The following NXN variants were observed in gnomAD, a reference collection of about 807,000 sequenced individuals.
NXN encodes nucleoredoxin 1.
A neutral mutation model predicts 48.6 loss-of-function variants in NXN; 16 were observed. The ratio of observed to expected loss-of-function variants is 0.33; its 90% CI spans 0.22 to 0.50. The LOEUF is 0.50. Among genes scored for constraint, NXN ranks in the 20% least tolerant of loss-of-function variants. The pLI is 0.98. For missense variants in NXN, 492 were observed against 605.5 expected, an observed-to-expected ratio of 0.81 and a Z score of 1.97; for synonymous variants, 281 against 269.6, an observed-to-expected ratio of 1.04 and a Z score of -0.41.
Position 808,537 on chromosome 17 carries a change from C to T in NXN, c.821-3290G>A, listed in dbSNP as rs192744912. On this transcript the variant is annotated intron_variant, in intron 5 of 7. Coordinates refer to ENST00000336868, the MANE Select transcript of NXN (RefSeq NM_022463.5). Reference sequence around the variant, plus strand: ...CTCGAACTCCCGACCTCAGGTGATCCGCCCACCTCGGCCTCCCAAAGTGCT... The same window carrying T: ...CTCGAACTCCCGACCTCAGGTGATCTGCCCACCTCGGCCTCCCAAAGTGCT... 1.4e-4 allele frequency among the ~76,000 whole-genome samples: 21 copies of T among 151,848 alleles called. No individual in the cohort carries two copies. The East Asian group carries it at 3.9e-3, about 28-fold the overall frequency.
chr17:840,246 G>C (rs1464136312), intron 1 of NXN, among the ~76,000 whole-genome samples: 1 of 152,170 alleles, frequency 6.6e-6, no homozygotes. Context: ...TGACTTCTTA[G>C]GTCTCCTATC....
intron 1 of NXN, among the ~76,000 whole-genome samples, chr17:900,434 T>A (rs1276560845): frequency 6.6e-6 from 1 of 152,062 alleles, no homozygotes; most frequent in African/African-American, 2.4e-5. Context: ...CAGAGCCCAC[T>A]CTCTTCCCCA....
chr17:827,719 G>T (rs193002640), intron 1 of NXN, among the ~76,000 whole-genome samples: 1 of 152,252 alleles, frequency 6.6e-6, no homozygotes, highest in Admixed American at 6.5e-5. Context: ...TGTTTAGGCC[G>T]TTCGGCTCTG....
intron 5 of NXN, among the ~76,000 whole-genome samples, chr17:816,451 G>A (rs562931996): frequency 5.3e-5 from 8 of 152,138 alleles, no homozygotes; most frequent in African/African-American, 1.4e-4. Flanking sequence ...GCCTCTGCAC[G>A]TGCGGTTCCG....
rs8071991 is a variant in NXN, at chr17:911,930, T to C, written c.360+67389A>G. Among the ~76,000 whole-genome samples, 1,434 of 147,802 alleles carry C rather than the reference T, an allele frequency of 9.7e-3. 19 individuals carry two copies. Among genetic ancestry groups the C allele is most frequent in the African/African-American group, 0.032 (1,313 of 40,638 alleles). On this transcript the variant is annotated intron_variant, in intron 1 of 7. Coordinates refer to ENST00000336868, the MANE Select transcript of NXN (RefSeq NM_022463.5). ...TTAAGTAACTTCCAGACGATATTCA[T>C]GCATATACTTTTTTTTTTTTTTTGA...
intron 1 of NXN, among the ~76,000 whole-genome samples, chr17:942,604 T>G: frequency 1.4e-5 from 1 of 73,544 alleles, no homozygotes; most frequent in Non-Finnish European, 2.4e-5. Context: ...AACACCTTCC[T>G]GGATTTCCAG....
chr17:833,135 C>G (rs552438588), intron 1 of NXN, among the ~76,000 whole-genome samples: 1 of 152,286 alleles, frequency 6.6e-6, no homozygotes, highest in South Asian at 2.1e-4. Context: ...TCGTGATCCG[C>G]CCACCTCAGC....
Position 835,681 on chromosome 17 carries a change from T to A in NXN, c.361-9603A>T, listed in dbSNP as rs115069144. Among the ~76,000 whole-genome samples, 363 of 149,200 alleles carry A rather than the reference T, an allele frequency of 2.4e-3. 3 individuals are homozygous for A. Among genetic ancestry groups the A allele is most frequent in the African/African-American group, 8.8e-3 (347 of 39,596 alleles). Reference sequence around the variant, plus strand: ...AATGCCAACGAGAAAGTCCAGCAAATCTGAAACACCGGTGGGATTCGTCAG... The same window carrying A: ...AATGCCAACGAGAAAGTCCAGCAAAACTGAAACACCGGTGGGATTCGTCAG... On this transcript the variant is annotated intron_variant, in intron 1 of 7. Coordinates refer to ENST00000336868, the MANE Select transcript of NXN (RefSeq NM_022463.5).
At chr17:831,344 A>G (rs1316524479) in intron 1 of NXN, among the ~76,000 whole-genome samples, 1 of 152,094 alleles carries the variant, frequency 6.6e-6, no homozygotes, top group Non-Finnish European at 1.5e-5. Context: ...GGATGTATAT[A>G]GGTTATATGC....
intron 1 of NXN, among the ~76,000 whole-genome samples, chr17:841,509 G>C (rs76745347): frequency 0.11 from 1,694 of 15,376 alleles, 42 homozygotes; most frequent in African/African-American, 0.25. Context: ...CATCTCACAC[G>C]GGCGAGCAGG....
intron 1 of NXN, among the ~76,000 whole-genome samples, chr17:922,169 C>T (rs2068756276): frequency 6.6e-6 from 1 of 152,194 alleles, no homozygotes; most frequent in African/African-American, 2.4e-5. Flanking sequence ...TGGCCAGGCA[C>T]AGTGGCTCAC....
chr17:878,985 C>T (rs1255753219), intron 1 of NXN, among the ~76,000 whole-genome samples: 1 of 151,842 alleles, frequency 6.6e-6, no homozygotes, highest in Non-Finnish European at 1.5e-5. Flanking sequence ...ACCAACATGG[C>T]GAAACCCTCT....
chr17:977,280 AAAT>A (rs1449424595), intron 1 of NXN, among the ~76,000 whole-genome samples: 1 of 152,200 alleles, frequency 6.6e-6, no homozygotes, highest in Non-Finnish European at 1.5e-5. Flanking sequence ...CTGGGCCAAA[AAAT>A]AAAATGTTTA....
chr17:952,751 G>T (rs1419072827), intron 1 of NXN, among the ~76,000 whole-genome samples: 4 of 82,340 alleles, frequency 4.9e-5, no homozygotes, highest in African/African-American at 1.9e-4. Context: ...GTCACACTGT[G>T]GGGGGGGCTG....
chr17:873,761 T>A (rs772768854), intron 1 of NXN, among the ~76,000 whole-genome samples: 2 of 152,154 alleles, frequency 1.3e-5, no homozygotes, highest in Non-Finnish European at 2.9e-5. Context: ...CTCCTACAGT[T>A]TATTAAGGAA....
intron 3 of NXN, 35 bp from the exon 4 acceptor site, chr17:822,492 G>C: frequency 6.6e-7 from 1 of 1,504,106 alleles, no homozygotes; most frequent in Non-Finnish European, 9.2e-7. Flanking sequence ...GCTGCGTCAC[G>C]CTGCTTCTCC....
In NXN at chr17:922,452, G is replaced by GA. The variant is rs1486483539; in HGVS notation, c.360+56866dup. ...AGAGCAAAACTCCGTCTCAAAAAAAGAAAAAAAGAAAAGTGTGAGAACCAT... is the reference window on the plus strand; with the variant it reads ...AGAGCAAAACTCCGTCTCAAAAAAAGAAAAAAAAGAAAAGTGTGAGAACCAT... On this transcript the variant is annotated intron_variant, in intron 1 of 7. Transcript: ENST00000336868. Among the ~76,000 whole-genome samples the GA allele has an allele frequency of 1.6e-4, 24 of 151,710 alleles. No homozygotes were observed. The South Asian group carries it at 5.0e-3, about 32-fold the overall frequency.
chr17:950,202 G>A (rs1193447073), intron 1 of NXN, among the ~76,000 whole-genome samples: 3 of 152,096 alleles, frequency 2.0e-5, no homozygotes, highest in Non-Finnish European at 4.4e-5. Context: ...TCAACATCAC[G>A]GACTGCAGCA....
chr17:907,044 C>G (rs1368182126), intron 1 of NXN, among the ~76,000 whole-genome samples: 1 of 151,708 alleles, frequency 6.6e-6, no homozygotes, highest in Non-Finnish European at 1.5e-5. Context: ...CACACATCAA[C>G]AGTCCCCTAG....
Sources: gnomAD v4.1 joint callset for allele counts (sites outside exome capture counted in the v4.1 genomes callset) on GRCh38, gnomAD v4.1.1 for gene constraint, MANE v1.5 for transcripts, NCBI Gene and HGNC (gene_info 2026-07-23, HGNC 2026-07-21) for gene names.